Variants in CSMD1 observed in about 807,000 individuals in gnomAD.
The protein encoded by CSMD1 is CUB and sushi domain-containing protein 1.
CSMD1 carries 213 observed loss-of-function variants against 417.5 expected under a neutral mutation model. The observed-to-expected ratio is 0.51, with a 90% CI of 0.46 to 0.57. CSMD1 has a LOEUF of 0.57. CSMD1 is among the 20% of genes least tolerant of loss of function. The probability of loss-of-function intolerance (pLI) is 0.00; values close to 1 mark genes in which losing one functional copy is unlikely to be tolerated. For missense variants in CSMD1, 6,923 were observed against 4,529.7 expected, an observed-to-expected ratio of 1.53 and a Z score of -15.17; for synonymous variants, 2,862 against 1,736.8, an observed-to-expected ratio of 1.65 and a Z score of -16.11.
At chr8:2,997,789 A>T (rs1250975136) in intron 54 of CSMD1, among the ~76,000 whole-genome samples, 1 of 152,192 alleles carries the variant, frequency 6.6e-6, no homozygotes, top group Non-Finnish European at 1.5e-5. Flanking sequence ...TTTAAGGGAG[A>T]TAATTCTAGA....
intron 1 of CSMD1, among the ~76,000 whole-genome samples, chr8:4,919,064 G>A (rs1034895262): frequency 1.3e-5 from 2 of 152,172 alleles, no homozygotes. Context: ...TTTTCAGTGA[G>A]GTAGTAGTTT....
At chr8:3,966,584 T>C (rs371340288) in intron 5 of CSMD1, among the ~76,000 whole-genome samples, 1 of 152,304 alleles carries the variant, frequency 6.6e-6, no homozygotes, top group African/African-American at 2.4e-5. Context: ...AACATTGGTT[T>C]GCAGTTTTTG....
chr8:3,516,091 G>A (rs896061869), intron 10 of CSMD1, among the ~76,000 whole-genome samples: 1 of 152,172 alleles, frequency 6.6e-6, no homozygotes, highest in African/African-American at 2.4e-5. Flanking sequence ...CAGACAGCCT[G>A]GTTACTTGAG....
At chr8:4,327,662 G>C (rs1374230586) in intron 3 of CSMD1, among the ~76,000 whole-genome samples, 10 of 152,116 alleles carry the variant, frequency 6.6e-5, no homozygotes. Flanking sequence ...AAAGCTCCAC[G>C]ATGCATGTTT....
intron 48 of CSMD1, among the ~76,000 whole-genome samples, chr8:3,088,201 GC>G (rs1427618918): frequency 6.6e-5 from 10 of 152,134 alleles, no homozygotes; most frequent in Non-Finnish European, 1.5e-5. Context: ...CATATTTATG[GC>G]TAAAAGTCTC....
chr8:4,159,513 A>G (rs1797025603), intron 3 of CSMD1, among the ~76,000 whole-genome samples: 2 of 152,230 alleles, frequency 1.3e-5, no homozygotes, highest in African/African-American at 2.4e-5. Flanking sequence ...TGTGGTATAT[A>G]TATGATGGAA....
At chr8:3,756,487 C>T (rs1371755508) in intron 5 of CSMD1, among the ~76,000 whole-genome samples, 1 of 152,044 alleles carries the variant, frequency 6.6e-6, no homozygotes, top group Admixed American at 6.6e-5. Flanking sequence ...TAGATATACA[C>T]TGAAATTAAG....
intron 41 of CSMD1, among the ~76,000 whole-genome samples, chr8:3,135,636 G>A (rs944258345): frequency 1.3e-5 from 2 of 148,462 alleles, no homozygotes; most frequent in African/African-American, 5.1e-5. Context: ...AGTGAAGTCT[G>A]CTGATCACAT....
intron 10 of CSMD1, among the ~76,000 whole-genome samples, chr8:3,529,552 C>T (rs1014652998): frequency 1.3e-5 from 2 of 152,138 alleles, no homozygotes; most frequent in African/African-American, 4.8e-5. Context: ...ACTACCTTTT[C>T]CAAGACCACA....
At chr8:3,175,519 T>C (rs576562600) in intron 37 of CSMD1, among the ~76,000 whole-genome samples, 1 of 119,296 alleles carries the variant, frequency 8.4e-6, no homozygotes, top group Non-Finnish European at 1.9e-5. Context: ...CTTTTTTCCT[T>C]CCTTCCTTCC....
intron 3 of CSMD1, among the ~76,000 whole-genome samples, chr8:4,276,619 A>T (rs1714693): frequency 0.95 from 144,173 of 152,250 alleles, 68,772 homozygotes; most frequent in East Asian, 1. Flanking sequence ...AAAAAGTGAT[A>T]CACATAATTT....
Position 3,284,288 on chromosome 8 carries a change from C to A in CSMD1, c.4009G>T (p.Gly1337Trp). 6.2e-7 allele frequency: 1 copy of A among 1,613,908 alleles called. No individual in the cohort carries two copies. The highest frequency in any genetic ancestry group is 8.5e-7 in the Non-Finnish European group (1 of 1,179,866). Residue 1337 changes from glycine (G) to tryptophan (W), a missense_variant, in exon 26 of 70, where the codon GGG (glycine) becomes TGG (tryptophan). Transcript: ENST00000635120. Reference sequence around the variant, plus strand: ...AGCAGGATGTCACTGTCCACCGGCCCGTCCCAGACCTTGAGGATGTCGTGA... The same window carrying A: ...AGCAGGATGTCACTGTCCACCGGCCAGTCCCAGACCTTGAGGATGTCGTGA... ...MAHDILKVWD[G>W]PVDSDILLKE...
intron 1 of CSMD1, among the ~76,000 whole-genome samples, chr8:4,676,334 G>A (rs1339045931): frequency 6.6e-6 from 1 of 152,062 alleles, no homozygotes; most frequent in Non-Finnish European, 1.5e-5. Context: ...AGAAGCTCCT[G>A]TATCCATCTG....
chr8:3,021,237 T>G (rs1000446162), intron 51 of CSMD1, among the ~76,000 whole-genome samples: 17 of 152,210 alleles, frequency 1.1e-4, no homozygotes, highest in African/African-American at 4.1e-4. Flanking sequence ...ATTTTAAGTT[T>G]GTCCTCTAAC....
At chr8:4,321,607 C>G (rs1176435315) in intron 3 of CSMD1, among the ~76,000 whole-genome samples, 2 of 152,080 alleles carry the variant, frequency 1.3e-5, no homozygotes, top group African/African-American at 4.8e-5. Flanking sequence ...GCACCAAATA[C>G]CTTTTCCTCC....
At chr8:3,493,086 G>T (rs770145823) in intron 11 of CSMD1, among the ~76,000 whole-genome samples, 1 of 152,064 alleles carries the variant, frequency 6.6e-6, no homozygotes, top group Non-Finnish European at 1.5e-5. Context: ...CAGAGGTCAG[G>T]AGTTCGAGAC....
At chr8:3,277,355 G>A (rs1413900517) in intron 26 of CSMD1, among the ~76,000 whole-genome samples, 1 of 152,136 alleles carries the variant, frequency 6.6e-6, no homozygotes, top group Non-Finnish European at 1.5e-5. Flanking sequence ...GCGCAGGTGG[G>A]CCAGAAAGTA....
chr8:4,074,191 T>A (rs962135075), intron 3 of CSMD1, among the ~76,000 whole-genome samples: 7 of 152,204 alleles, frequency 4.6e-5, no homozygotes, highest in African/African-American at 1.7e-4. Context: ...TTAGTTAATG[T>A]CACTATGCTA....
intron 5 of CSMD1, among the ~76,000 whole-genome samples, chr8:3,782,620 A>T (rs1268026905): frequency 3.3e-5 from 5 of 152,208 alleles, no homozygotes. Flanking sequence ...CGTTGTGCAC[A>T]TGTACCCTAG....
Sources: allele counts gnomAD v4.1 joint callset (sites outside exome capture counted in the v4.1 genomes callset), GRCh38; gene constraint gnomAD v4.1.1; transcripts MANE v1.5; gene names NCBI Gene and HGNC (gene_info 2026-07-23, HGNC 2026-07-21).